Variants in MDGA2 observed in about 807,000 individuals in gnomAD.
The protein encoded by MDGA2 is MAM domain-containing glycosylphosphatidylinositol anchor protein 2.
In MDGA2, 40 loss-of-function variants were observed where a neutral mutation model predicts 117.8. The observed-to-expected ratio is 0.34, with a 90% CI of 0.26 to 0.44. The LOEUF (loss-of-function observed/expected upper bound fraction) is 0.44. Ranked by LOEUF, MDGA2 falls within the 20% of genes least tolerant of loss-of-function variation. The pLI is 1.00. For synonymous variants in MDGA2, 452 were observed against 439.0 expected, an observed-to-expected ratio of 1.03 and a Z score of -0.37; for missense variants, 1,123 against 1,250.6, an observed-to-expected ratio of 0.90 and a Z score of 1.54.
rs934403639 is a variant in MDGA2 at position 47,320,121 on chromosome 14, A to C, written c.281-18571T>G. On this transcript the variant is annotated intron_variant, in intron 1 of 16. Transcript: ENST00000399232. ...AGAAACCAACCCTGTGGACACCTTG[A>C]TCTTGGACTTAGAGTCTCTAGAACT... 6.6e-5 allele frequency among the ~76,000 whole-genome samples: 10 copies of C among 152,300 alleles called. No individual in the cohort carries two copies. In the Middle Eastern group the frequency reaches 0.01, roughly 155 times the overall value.
chr14:47,102,289 C>CT (rs75639388), intron 5 of MDGA2, among the ~76,000 whole-genome samples: 148 of 146,624 alleles, frequency 1.0e-3, no homozygotes, highest in Middle Eastern at 3.4e-3. Flanking sequence ...AAGCTCAAGA[C>CT]TTTTTTTTTT....
chr14:47,172,399 A>C (rs553040044), intron 3 of MDGA2, among the ~76,000 whole-genome samples: 2,002 of 151,134 alleles, frequency 0.013, 50 homozygotes, highest in African/African-American at 0.045. Flanking sequence ...AGGCACCCCC[A>C]AGTAGGGGCA....
intron 10 of MDGA2, among the ~76,000 whole-genome samples, chr14:46,890,986 T>G (rs1251300564): frequency 2.6e-5 from 4 of 152,110 alleles, no homozygotes; most frequent in Non-Finnish European, 5.9e-5. Context: ...AGTAAGTTCT[T>G]TAGTAACTTG....
chr14:46,842,445 T>C (rs1880655325), intron 16 of MDGA2, among the ~76,000 whole-genome samples: 1 of 152,126 alleles, frequency 6.6e-6, no homozygotes, highest in Non-Finnish European at 1.5e-5. Flanking sequence ...TAATGAAAAC[T>C]AGAAAGGGAT....
At chr14:47,147,589 T>C (rs1882993764) in intron 3 of MDGA2, among the ~76,000 whole-genome samples, 1 of 152,208 alleles carries the variant, frequency 6.6e-6, no homozygotes, top group South Asian at 2.1e-4. Flanking sequence ...TCTGTTTGGC[T>C]TATTTCTAGA....
chr14:47,214,333 T>G (rs1328598603), intron 3 of MDGA2, among the ~76,000 whole-genome samples: 1 of 152,182 alleles, frequency 6.6e-6, no homozygotes, highest in East Asian at 1.9e-4. Flanking sequence ...ACTGTGTGGT[T>G]ATAAAATCTA....
chr14:47,251,814 G>A (rs976356011), intron 2 of MDGA2, among the ~76,000 whole-genome samples: 2 of 152,132 alleles, frequency 1.3e-5, no homozygotes, highest in Non-Finnish European at 2.9e-5. Context: ...AGAAAATGCT[G>A]TCTCTGCTTA....
At chr14:47,383,085 T>G (rs1310029210) in intron 1 of MDGA2, among the ~76,000 whole-genome samples, 2 of 152,190 alleles carry the variant, frequency 1.3e-5, no homozygotes, top group Non-Finnish European at 2.9e-5. Context: ...ACCATTATTC[T>G]GAGCAAACTG....
intron 1 of MDGA2, among the ~76,000 whole-genome samples, chr14:47,630,868 T>C (rs1897241109): frequency 6.6e-6 from 1 of 152,226 alleles, no homozygotes; most frequent in Admixed American, 6.5e-5. Flanking sequence ...GTGTACTTCC[T>C]ATATTCCAGA....
At chr14:47,338,338 G>A (rs1442056370) in intron 1 of MDGA2, among the ~76,000 whole-genome samples, 1 of 151,734 alleles carries the variant, frequency 6.6e-6, no homozygotes, top group East Asian at 1.9e-4. Context: ...TTATGCCACG[G>A]GAGAGAAGAA....
intron 1 of MDGA2, among the ~76,000 whole-genome samples, chr14:47,664,253 C>G (rs1897901549): frequency 6.6e-6 from 1 of 152,074 alleles, no homozygotes; most frequent in Non-Finnish European, 1.5e-5. Flanking sequence ...GTTATTTTCC[C>G]CTAGACTGAC....
At chr14:46,856,352 T>C (rs1881268808) in intron 14 of MDGA2, among the ~76,000 whole-genome samples, 3 of 152,138 alleles carry the variant, frequency 2.0e-5, no homozygotes, top group Non-Finnish European at 4.4e-5. Flanking sequence ...ATAATGTTAG[T>C]ACTTGATCAA....
chr14:47,209,180 T>A (rs1038961008), intron 3 of MDGA2, among the ~76,000 whole-genome samples: 2 of 152,192 alleles, frequency 1.3e-5, no homozygotes, highest in Non-Finnish European at 2.9e-5. Flanking sequence ...ACCAAAATAC[T>A]TTTAGGTCTA....
At chr14:47,348,391 T>C (rs2138341632) in intron 1 of MDGA2, among the ~76,000 whole-genome samples, 1 of 152,026 alleles carries the variant, frequency 6.6e-6, no homozygotes, top group Middle Eastern at 3.4e-3. Context: ...TTTGTATTTT[T>C]AGTAGAGATG....
At chr14:47,513,801 A>G (rs975151478) in intron 1 of MDGA2, among the ~76,000 whole-genome samples, 2 of 152,166 alleles carry the variant, frequency 1.3e-5, no homozygotes, top group African/African-American at 4.8e-5. Context: ...TGTAAAAATT[A>G]ATATTAAATG....
At chr14:47,057,901 G>A (rs1889744747) in intron 7 of MDGA2, among the ~76,000 whole-genome samples, 1 of 151,934 alleles carries the variant, frequency 6.6e-6, no homozygotes, top group Admixed American at 6.6e-5. Context: ...ATTACAGTGT[G>A]AGCCACCATG....
chr14:47,388,462 G>A (rs1566765102), intron 1 of MDGA2, among the ~76,000 whole-genome samples: 1 of 152,074 alleles, frequency 6.6e-6, no homozygotes, highest in South Asian at 2.1e-4. Context: ...CCCACAATCT[G>A]TTCTACCTCC....
intron 9 of MDGA2, among the ~76,000 whole-genome samples, chr14:46,929,645 A>T (rs1205619422): frequency 0.055 from 989 of 18,032 alleles, 180 homozygotes; most frequent in Non-Finnish European, 0.061. Flanking sequence ...ATATATATAT[A>T]TACATTTTTT....
chr14:46,855,245 G>T lies in MDGA2; in HGVS notation c.2753-91C>A. The T allele has an allele frequency of 9.3e-7, 1 of 1,071,372 alleles. No individual in the cohort carries two copies. The highest frequency in any genetic ancestry group is 2.3e-5 in the Admixed American group (1 of 43,030). 66.4% of individuals were successfully genotyped at this position (1,071,372 alleles called of 1,614,324 possible). On this transcript the variant is annotated intron_variant, in intron 14 of 16. Coordinates refer to ENST00000399232, the MANE Select transcript of MDGA2 (RefSeq NM_001113498.3). The surrounding 1 kb of genome is among the most constrained non-coding windows in gnomAD (Gnocchi z 4.1). ...CAAACACTTGTAAACTTTTTAAACT[G>T]AAATTTTACAGAACACTCTAGTGTC...
Sources: allele counts gnomAD v4.1 joint callset (sites outside exome capture counted in the v4.1 genomes callset), GRCh38; gene constraint gnomAD v4.1.1; non-coding constraint Gnocchi (gnomAD v3.1); transcripts MANE v1.5; gene names NCBI Gene and HGNC (gene_info 2026-07-23, HGNC 2026-07-21).